Variants in POP1 observed in about 807,000 individuals in gnomAD.
POP1 encodes the protein POP1 ribonuclease P/MRP subunit, also known as ribonucleases P/MRP protein subunit POP1.
In POP1, 75 loss-of-function variants were observed where a neutral mutation model predicts 102.2. The observed-to-expected ratio is 0.73, with a 90% confidence interval of 0.61 to 0.89. The LOEUF (loss-of-function observed/expected upper bound fraction) is 0.89, where lower values mean the gene tolerates loss of function less well. Ranked by LOEUF, POP1 falls within the 40% of genes least tolerant of loss-of-function variation. POP1 has a pLI of 0.00. For missense variants in POP1, 1,116 were observed against 1,267.4 expected (o/e 0.88, Z 1.81); for synonymous variants, 436 against 464.1 (o/e 0.94, Z 0.78).
intron 3 of POP1, among the ~76,000 whole-genome samples, chr8:98,128,011 CTT>C (rs1816263736): frequency 6.6e-6 from 1 of 152,162 alleles, no homozygotes; most frequent in Non-Finnish European, 1.5e-5. Context: ...AACTGTTCCT[CTT>C]TGTCTTAGCC....
At chr8:98,124,658 A>G (rs1346529047) in intron 2 of POP1, among the ~76,000 whole-genome samples, 1 of 152,238 alleles carries the variant, frequency 6.6e-6, no homozygotes, top group Non-Finnish European at 1.5e-5. Flanking sequence ...TCATTGACGT[A>G]ATTCAGGGAC....
In POP1 at chr8:98,136,971, C is replaced by T; in HGVS notation, c.1362+17C>T. On this transcript the variant is annotated intron_variant, in intron 9 of 15. Coordinates refer to ENST00000401707, the MANE Select transcript of POP1 (RefSeq NM_001145860.2). ...GTCCACACTGTAAGAGTAAAAGTGACTGTAGTGTTTTATTCTAATCATGTT... is the reference window on the plus strand; with the variant it reads ...GTCCACACTGTAAGAGTAAAAGTGATTGTAGTGTTTTATTCTAATCATGTT... The T allele has an allele frequency of 1.3e-6, 2 of 1,563,642 alleles. No individual in the cohort carries two copies. Among genetic ancestry groups the T allele is most frequent in the Admixed American group, 3.3e-5 (2 of 59,948 alleles).
Position 98,156,282 on chromosome 8 carries a change from G to T in POP1, c.2290G>T (p.Glu764Ter), listed in dbSNP as rs746612913. Residue 764 changes from glutamate to a stop codon, truncating the protein, a stop_gained, in exon 15 of 16, where the codon GAG becomes TAG. Coordinates refer to ENST00000401707, the MANE Select transcript of POP1 (RefSeq NM_001145860.2). LOFTEE classifies it high-confidence loss of function. ...QPSDEVGTSIEHPREAEEVMD... is the reference protein window; with the variant it reads ...QPSDEVGTSI ...ATCTGATGAAGTGGGCACATCCATA[G>T]AGCACCCCAGGGAGGCAGAGGAGGT... is the stretch of plus-strand genomic sequence containing the variant. 5.0e-6 allele frequency: 8 copies of T among 1,614,004 alleles called. No homozygotes were observed. Among genetic ancestry groups the T allele is most frequent in the Non-Finnish European group, 5.9e-6 (7 of 1,180,034 alleles).
In POP1 at chr8:98,139,071, G is replaced by A. The variant is rs975242892; in HGVS notation, c.1363-1007G>A. ...TCACTATGTTGGCCAGGCTGGTCTC[G>A]AACTCCTGGCCTCAAGTGACCCGCC... On this transcript the variant is annotated intron_variant, in intron 9 of 15. Transcript: ENST00000401707. Among the ~76,000 whole-genome samples the A allele has an allele frequency of 9.9e-5, 15 of 151,922 alleles. 1 individual carries two copies. The highest frequency in any genetic ancestry group is 2.1e-4 in the Non-Finnish European group (14 of 67,994).
At chr8:98,128,573 T>G in intron 4 of POP1, 33 bp downstream of exon 4, 1 of 1,601,654 alleles carries the variant, frequency 6.2e-7, no homozygotes, top group Non-Finnish European at 8.6e-7. Flanking sequence ...ATGTTTAGAT[T>G]AGTAGCTCCT....
intron 15 of POP1, among the ~76,000 whole-genome samples, chr8:98,156,747 T>C (rs78816202): frequency 0.027 from 4,113 of 152,248 alleles, 171 homozygotes; most frequent in African/African-American, 0.085. Flanking sequence ...CTAGTTCCTT[T>C]TGAATTATAT....
At chr8:98,149,427 A>G (rs576433463) in intron 13 of POP1, among the ~76,000 whole-genome samples, 3 of 152,304 alleles carry the variant, frequency 2.0e-5, no homozygotes, top group African/African-American at 7.2e-5. Context: ...ATTTTATTAG[A>G]ATCGAATGTG....
chr8:98,125,331 G>A (rs886917328), intron 2 of POP1, among the ~76,000 whole-genome samples: 9 of 149,824 alleles, frequency 6.0e-5, no homozygotes, highest in African/African-American at 1.5e-4. Flanking sequence ...GACTACAGGC[G>A]TGTGCTGCCA....
chr8:98,143,772 G>T (rs1816770882), intron 11 of POP1, among the ~76,000 whole-genome samples: 1 of 151,948 alleles, frequency 6.6e-6, no homozygotes, highest in Non-Finnish European at 1.5e-5. Context: ...CCATAGTTTT[G>T]TGTTTTTTAG....
At chr8:98,119,750 G>T (rs1410479367) in intron 1 of POP1, among the ~76,000 whole-genome samples, 1 of 151,990 alleles carries the variant, frequency 6.6e-6, no homozygotes, top group East Asian at 1.9e-4. Context: ...CTTATTTTTT[G>T]ATTTCTTTGT....
chr8:98,142,922 C>A (rs1816745759), intron 11 of POP1, among the ~76,000 whole-genome samples: 1 of 152,176 alleles, frequency 6.6e-6, no homozygotes, highest in African/African-American at 2.4e-5. Context: ...AACTGTTTTA[C>A]ATATTTTATT....
At chr8:98,122,214 G>T (rs558278243) in intron 1 of POP1, among the ~76,000 whole-genome samples, 2 of 152,276 alleles carry the variant, frequency 1.3e-5, no homozygotes, top group East Asian at 3.9e-4. Flanking sequence ...AGGGTGGCGG[G>T]GGTGGGGGTA....
At chr8:98,146,954 T>C (rs1419002356) in intron 12 of POP1, among the ~76,000 whole-genome samples, 2 of 152,252 alleles carry the variant, frequency 1.3e-5, no homozygotes, top group African/African-American at 2.4e-5. Context: ...ATACATACTG[T>C]GATTTTTTTC....
chr8:98,121,233 A>G (rs1816010304), intron 1 of POP1, among the ~76,000 whole-genome samples: 1 of 152,234 alleles, frequency 6.6e-6, no homozygotes, highest in African/African-American at 2.4e-5. Flanking sequence ...AAGCCCTTAA[A>G]CACTATACCA....
At chr8:98,142,290 C>T (rs1816725290) in intron 11 of POP1, among the ~76,000 whole-genome samples, 1 of 152,132 alleles carries the variant, frequency 6.6e-6, no homozygotes, top group African/African-American at 2.4e-5. Flanking sequence ...CGCCTGAAGT[C>T]AAGCAATCCT....
chr8:98,157,802 C>G lies in POP1; in HGVS notation c.2606C>G (p.Pro869Arg), dbSNP rs781722358. Reference sequence around the variant, plus strand: ...CTGTCCCTGCTCAGCAAGGGCAGCCCCGAGCCTCACACCATGATCTGTGTC... The same window carrying G: ...CTGTCCCTGCTCAGCAAGGGCAGCCGCGAGCCTCACACCATGATCTGTGTC... Reference protein sequence around the residue: ...VSLSLLSKGSPEPHTMICVPA... With the variant: ...VSLSLLSKGSREPHTMICVPA... Residue 869 changes from proline to arginine, a missense_variant, in exon 16 of 16, where the codon CCC becomes CGC. Physicochemically the swap from Pro to Arg is moderately radical, Grantham distance 103 (BLOSUM62 -2). Transcript: ENST00000401707. 8.1e-6 allele frequency: 13 copies of G among 1,614,210 alleles called. No homozygotes were observed. The highest frequency in any genetic ancestry group is 1.1e-5 in the Non-Finnish European group (13 of 1,180,054).
At chr8:98,155,921 G>C in intron 14 of POP1, 129 bp from the exon 15 acceptor site, 1 of 635,134 alleles carries the variant, frequency 1.6e-6, no homozygotes, top group Non-Finnish European at 2.6e-6. Context: ...GTGTGTGTGT[G>C]TGTGTGTGTG....
At position 98,156,195 on chromosome 8, in the gene POP1, G is replaced by C. The variant is rs1392546327; in HGVS notation, c.2203G>C (p.Glu735Gln). 5.6e-6 allele frequency: 9 copies of C among 1,613,940 alleles called. No individual in the cohort carries two copies. The highest frequency in any genetic ancestry group is 6.8e-6 in the Non-Finnish European group (8 of 1,180,024). Reference sequence around the variant, plus strand: ...TGTAGCTTCATCTCCAAATGGTAAGGAGAGTGACCTAAGAAGATCTGAGGT... The same window carrying C: ...TGTAGCTTCATCTCCAAATGGTAAGCAGAGTGACCTAAGAAGATCTGAGGT... The part of the protein sequence containing the change: ...PSVASSPNGK[E>Q]SDLRRSEVPC... The change falls in exon 15 of 16, where the codon GAG becomes CAG. Residue 735 changes from glutamate to glutamine, a missense_variant. By Grantham distance (29) the Glu-to-Gln change is conservative. Coordinates refer to ENST00000401707, the MANE Select transcript of POP1 (RefSeq NM_001145860.2).
Position 98,140,820 on chromosome 8 carries a change from T to C in POP1, c.1526T>C (p.Val509Ala), listed in dbSNP as rs761190925. 4 of 1,613,900 alleles carry C rather than the reference T, an allele frequency of 2.5e-6. No individual in the cohort carries two copies. The highest frequency in any genetic ancestry group is 1.7e-5 in the Admixed American group (1 of 60,016). Residue 509 changes from valine to alanine, a missense_variant, in exon 11 of 16, where the codon GTT (valine) becomes GCT (alanine). Physicochemically the swap from Val to Ala is moderately conservative, Grantham distance 64. Transcript: ENST00000401707. ...IPAGTILGLT[V>A]GDPRINLPQK... ...GCAGGTACTATTCTGGGACTGACAG[T>C]TGGGGATCCTCGAATAAATTTGCCC...
Sources: allele counts gnomAD v4.1 joint callset (sites outside exome capture counted in the v4.1 genomes callset), GRCh38; gene constraint gnomAD v4.1.1; transcripts MANE v1.5; gene names NCBI Gene and HGNC (gene_info 2026-07-23, HGNC 2026-07-21).